BPNT2: variants seen among roughly 807,000 people sequenced by gnomAD.
BPNT2 encodes the protein 3'(2'), 5'-bisphosphate nucleotidase 2.
Under a neutral mutation model 29.3 loss-of-function variants are expected in BPNT2, and 11 were observed. That is an observed-to-expected ratio of 0.38 (90% CI 0.24 to 0.62). The LOEUF is 0.62. Ranked by LOEUF, BPNT2 falls within the 20% of genes least tolerant of loss-of-function variation. The pLI, the probability that BPNT2 is intolerant of heterozygous loss-of-function variation, is 0.62. For missense variants in BPNT2, 459 were observed against 473.4 expected (o/e 0.97, Z 0.28); for synonymous variants, 195 against 187.7 (o/e 1.04, Z -0.32).
chr8:56,993,722 C>T lies in BPNT2; in HGVS notation c.-137G>A, dbSNP rs1251841917. 7.2e-6 allele frequency: 7 copies of T among 977,110 alleles called. No individual in the cohort carries two copies. The highest frequency in any genetic ancestry group is 8.6e-6 in the Non-Finnish European group (7 of 817,324). The allele number at this position is 977,110 out of a possible 1,614,324, so 60.5% of individuals were successfully genotyped here. ...GCGCCCGCTCCCCGGCCCCGGTGCGCCCCATCACTCCCTCCCAGGAAAGGC... is the reference window on the plus strand; with the variant it reads ...GCGCCCGCTCCCCGGCCCCGGTGCGTCCCATCACTCCCTCCCAGGAAAGGC... On this transcript the variant is annotated 5_prime_UTR_variant, in exon 1 of 5. Coordinates refer to ENST00000262644, the MANE Select transcript of BPNT2 (RefSeq NM_017813.5).
intron 3 of BPNT2, among the ~76,000 whole-genome samples, chr8:56,973,140 T>G (rs1385612650): frequency 1.3e-5 from 2 of 152,230 alleles, no homozygotes; most frequent in African/African-American, 2.4e-5. Flanking sequence ...CCCTGAAGTC[T>G]GAAAGTACTT....
At position 56,965,508 on chromosome 8, in the gene BPNT2, G is replaced by A. The variant is rs562044598; in HGVS notation, c.808+683C>T. Among the ~76,000 whole-genome samples, 5 of 152,164 alleles carry A rather than the reference G, an allele frequency of 3.3e-5. No homozygotes were observed. In the South Asian group the frequency reaches 6.2e-4, roughly 19 times the overall value. ...ACAAACAGCCCCTCAAGCTAAATCC[G>A]GGTCATGGCCTGTTCTTACAGGGTT... On this transcript the variant is annotated intron_variant, in intron 4 of 4. Coordinates refer to ENST00000262644, the MANE Select transcript of BPNT2 (RefSeq NM_017813.5).
chr8:56,959,374 T>G lies in BPNT2; in HGVS notation c.*4419A>C, dbSNP rs1439711905. The G allele has an allele frequency of 5.3e-5, 8 of 152,200 alleles. No individual in the cohort carries two copies. 9.4% of individuals were successfully genotyped at this position (152,200 alleles called of 1,614,324 possible). A position where few individuals can be genotyped will look rare whatever the true frequency, so the allele number is the denominator to read the frequency against. On this transcript the variant is annotated 3_prime_UTR_variant, in exon 5 of 5. Coordinates refer to ENST00000262644, the MANE Select transcript of BPNT2 (RefSeq NM_017813.5). ...AAAAATAAACGATTTACATAAGCAG[T>G]ACCTGGTAAAACCAAAACCTCCTTT...
chr8:56,980,746 G>A (rs913947782), intron 1 of BPNT2, among the ~76,000 whole-genome samples: 6 of 148,980 alleles, frequency 4.0e-5, no homozygotes, highest in African/African-American at 1.2e-4. Context: ...GGGTTGTTAC[G>A]AGAATAGAGG....
intron 1 of BPNT2, among the ~76,000 whole-genome samples, chr8:56,981,445 G>A (rs1256573207): frequency 6.6e-6 from 1 of 152,004 alleles, no homozygotes; most frequent in Non-Finnish European, 1.5e-5. Flanking sequence ...CGTGCCTGTA[G>A]TTCCAACCAC....
chr8:56,979,942 G>A, intron 2 of BPNT2, 93 bp downstream of exon 2: 1 of 1,170,088 alleles, frequency 8.5e-7, no homozygotes, highest in Non-Finnish European at 1.3e-6. Flanking sequence ...TGAACAATCA[G>A]TGAGCCACTA....
At chr8:56,977,966 T>C (rs1806172167) in intron 3 of BPNT2, 84 bp downstream of exon 3, 1 of 907,992 alleles carries the variant, frequency 1.1e-6, no homozygotes, top group Non-Finnish European at 1.8e-6. Context: ...TAGGAGTGGA[T>C]ACAAATTTAG....
At chr8:56,986,878 C>G (rs1806333844) in intron 1 of BPNT2, among the ~76,000 whole-genome samples, 2 of 152,188 alleles carry the variant, frequency 1.3e-5, no homozygotes, top group Admixed American at 6.5e-5. Flanking sequence ...TAAAGAAATC[C>G]TAAGTTGAAC....
chr8:56,964,450 C>CA (rs1805906071), intron 4 of BPNT2: 1 of 175,220 alleles, frequency 5.7e-6, no homozygotes, highest in South Asian at 1.2e-4. Flanking sequence ...AGGTGCGTGC[C>CA]ACCATGCCCT....
At chr8:56,989,752 C>G (rs1806382414) in intron 1 of BPNT2, among the ~76,000 whole-genome samples, 1 of 152,160 alleles carries the variant, frequency 6.6e-6, no homozygotes, top group South Asian at 2.1e-4. Context: ...TACTAGTAAA[C>G]CATGGACTAG....
intron 3 of BPNT2, among the ~76,000 whole-genome samples, chr8:56,969,478 G>C (rs1000524599): frequency 6.6e-6 from 1 of 152,032 alleles, no homozygotes; most frequent in Non-Finnish European, 1.5e-5. Flanking sequence ...TGGGAATAAG[G>C]TAAAAGAATA....
At chr8:56,964,140 C>A in intron 4 of BPNT2, 76 bp from the exon 5 acceptor site, 1 of 1,101,114 alleles carries the variant, frequency 9.1e-7, no homozygotes, top group Non-Finnish European at 1.3e-6. Context: ...GATTAAGTAT[C>A]CTGTTAAAAT....
chr8:56,983,812 G>C (rs1003731861), intron 1 of BPNT2, among the ~76,000 whole-genome samples: 1 of 151,820 alleles, frequency 6.6e-6, no homozygotes, highest in Non-Finnish European at 1.5e-5. Context: ...AAATTACATG[G>C]TAGAACAAAA....
rs1249065668 is a variant in BPNT2 at position 56,961,471 on chromosome 8, TATAAAA to T, written c.*2316_*2321del. 4.0e-5 allele frequency: 6 copies of T among 151,832 alleles called. No homozygotes were observed. The highest frequency in any genetic ancestry group is 2.6e-4 in the Admixed American group (4 of 15,250). 9.4% of individuals were successfully genotyped at this position (151,832 alleles called of 1,614,324 possible). A position where few individuals can be genotyped will look rare whatever the true frequency, so the allele number is the denominator to read the frequency against. ...AGTAACTAGACTATACCCAACATAT[TATAAAA>T]ATAATGTATTTAACTCTCAACCAAT... On this transcript the variant is annotated 3_prime_UTR_variant, in exon 5 of 5. Transcript: ENST00000262644.
In BPNT2 at chr8:56,993,652, CCGCAG is replaced by C; in HGVS notation, c.-72_-68del. 8.4e-7 allele frequency: 1 copy of C among 1,187,362 alleles called. No individual in the cohort carries two copies. Among genetic ancestry groups the C allele is most frequent in the African/African-American group, 1.6e-5 (1 of 61,976 alleles). The allele number at this position is 1,187,362 out of a possible 1,614,324, so 73.6% of individuals were successfully genotyped here. ...CCTCCAGCGCCCGCCGCCGCCGCCG[CCGCAG>C]CCGCCGCGCTCCGGGCCAGGCGCCG... is the stretch of plus-strand genomic sequence containing the variant. On this transcript the variant is annotated 5_prime_UTR_variant, in exon 1 of 5. Transcript: ENST00000262644.
chr8:56,966,243 G>A lies in BPNT2; in HGVS notation c.756C>T (p.Val252=), dbSNP rs372306148. 19 of 1,613,994 alleles carry A rather than the reference G, an allele frequency of 1.2e-5. No individual in the cohort carries two copies. The highest frequency in any genetic ancestry group is 1.7e-5 in the Admixed American group (1 of 59,998). The change falls in exon 4 of 5, where the codon GTC becomes GTT. Residue 252 remains valine (V), a synonymous_variant. Coordinates refer to ENST00000262644, the MANE Select transcript of BPNT2 (RefSeq NM_017813.5). ...SRSHSGMVKQ[V]ALQTFGNQTT... ...TCTGGTTTCCAAAAGTCTGAAGAGCGACCTGTTTGACCATCCCTGAATGGG... is the reference window on the plus strand; with the variant it reads ...TCTGGTTTCCAAAAGTCTGAAGAGCAACCTGTTTGACCATCCCTGAATGGG...
chr8:56,990,665 T>C (rs1292676577), intron 1 of BPNT2, among the ~76,000 whole-genome samples: 2 of 152,166 alleles, frequency 1.3e-5, no homozygotes, highest in African/African-American at 2.4e-5. Flanking sequence ...CTGTGCATTA[T>C]AGGATGTTTA....
In BPNT2 at chr8:56,963,364, CTTTA is replaced by C. The variant is rs1805874895; in HGVS notation, c.*425_*428del. On this transcript the variant is annotated 3_prime_UTR_variant, in exon 5 of 5. Transcript: ENST00000262644. ...AATTAGAGGTAAAAATCCCCAATGA[CTTTA>C]TTTTCAATGAGATATAGTTGTAAAG... 1 of 156,232 alleles carries C rather than the reference CTTTA, an allele frequency of 6.4e-6. No individual in the cohort carries two copies. Among genetic ancestry groups the C allele is most frequent in the Non-Finnish European group, 1.4e-5 (1 of 70,572 alleles). The allele number at this position is 156,232 out of a possible 1,614,324, so 9.7% of individuals were successfully genotyped here. A position where few individuals can be genotyped will look rare whatever the true frequency, so the allele number is the denominator to read the frequency against.
rs745800669 is a variant in BPNT2, at chr8:56,978,066, T to A, written c.630A>T (p.Pro210=). The A allele has an allele frequency of 1.2e-6, 2 of 1,601,378 alleles. No homozygotes were observed. Among genetic ancestry groups the A allele is most frequent in the African/African-American group, 2.7e-5 (2 of 74,746 alleles). ...ATTTCATACCTGTATATTCGGAAAA[T>A]GGCTTATGTATAACTCCTAGCATGG... ...GKPMLGVIHK[P]FSEYTAWAMV... is the part of the protein sequence containing the mutation. Residue 210 remains proline, a synonymous_variant, in exon 3 of 5, where the codon CCA becomes CCT. Transcript: ENST00000262644.
Sources: allele counts gnomAD v4.1 joint callset (sites outside exome capture counted in the v4.1 genomes callset), GRCh38; gene constraint gnomAD v4.1.1; transcripts MANE v1.5; gene names NCBI Gene and HGNC (gene_info 2026-07-23, HGNC 2026-07-21).